The following SLC35D4 variants were observed in gnomAD, a reference collection of about 807,000 sequenced individuals.
SLC35D4 encodes the protein solute carrier family 35 member D4.
chr18:23,357,425 C>CA, the SLC35D4 span, among the ~76,000 whole-genome samples: 1 of 152,188 alleles, frequency 6.6e-6, no homozygotes, highest in Non-Finnish European at 1.5e-5. Context: ...ATTAAAAAAG[C>CA]AGAAAGCCTT....
At chr18:23,372,519 C>A in the SLC35D4 span, among the ~76,000 whole-genome samples, 1 of 152,210 alleles carries the variant, frequency 6.6e-6, no homozygotes, top group African/African-American at 2.4e-5. Flanking sequence ...AGCTGGTGAC[C>A]TTTTGGGCCT....
At chr18:23,381,501 G>A in the SLC35D4 span, among the ~76,000 whole-genome samples, 1 of 152,020 alleles carries the variant, frequency 6.6e-6, no homozygotes, top group Non-Finnish European at 1.5e-5. Context: ...AACTGTGCCC[G>A]GCCTCCATCT....
At chr18:23,305,041 G>T in the SLC35D4 span, among the ~76,000 whole-genome samples, 1 of 152,228 alleles carries the variant, frequency 6.6e-6, no homozygotes, top group East Asian at 1.9e-4. Flanking sequence ...TTTCTTAATG[G>T]TTTCCACATA....
the SLC35D4 span, among the ~76,000 whole-genome samples, chr18:23,362,410 C>T: frequency 6.6e-5 from 10 of 152,060 alleles, no homozygotes; most frequent in South Asian, 2.1e-4. Context: ...ACCAGCCTGG[C>T]CAGTATCGTG....
chr18:23,280,274 T>G, the SLC35D4 span, among the ~76,000 whole-genome samples: 1 of 152,240 alleles, frequency 6.6e-6, no homozygotes, highest in Non-Finnish European at 1.5e-5. Context: ...TTCTGAGACC[T>G]CTGTCCATTG....
At chr18:23,266,960 G>A in the SLC35D4 span, among the ~76,000 whole-genome samples, 2,777 of 152,284 alleles carry the variant, frequency 0.018, 101 homozygotes, top group African/African-American at 0.064. Flanking sequence ...CTGCTGGTCT[G>A]TGTCCCCACC....
At chr18:23,239,727 C>G in the SLC35D4 span, among the ~76,000 whole-genome samples, 4 of 152,196 alleles carry the variant, frequency 2.6e-5, no homozygotes, top group African/African-American at 7.2e-5. Context: ...GCCACAACCC[C>G]TCTTCTCCTC....
chr18:23,249,602 C>T, the SLC35D4 span, among the ~76,000 whole-genome samples: 7 of 152,172 alleles, frequency 4.6e-5, no homozygotes, highest in African/African-American at 7.2e-5. Flanking sequence ...CTTTTACGTA[C>T]GTTTTGTTCT....
At chr18:23,310,295 A>T in the SLC35D4 span, 17 of 984,058 alleles carry the variant, frequency 1.7e-5, no homozygotes, top group East Asian at 1.6e-3. Flanking sequence ...TGATTAAATC[A>T]TTAATTAATT....
chr18:23,359,452 C>A, the SLC35D4 span, among the ~76,000 whole-genome samples: 2 of 151,856 alleles, frequency 1.3e-5, no homozygotes, highest in Non-Finnish European at 2.9e-5. Flanking sequence ...CAATGGAGTC[C>A]GAGTTAGGCC....
chr18:23,246,497 T>C, the SLC35D4 span, among the ~76,000 whole-genome samples: 1 of 151,882 alleles, frequency 6.6e-6, no homozygotes, highest in Non-Finnish European at 1.5e-5. Flanking sequence ...GTTCACGCCA[T>C]TCTCCTGCGT....
chr18:23,253,049 A>G, the SLC35D4 span: 4 of 1,611,602 alleles, frequency 2.5e-6, no homozygotes, highest in Middle Eastern at 1.6e-4. Flanking sequence ...TTAAGCTGAC[A>G]CTCAGCAAAA....
At chr18:23,389,661 G>A in the SLC35D4 span, among the ~76,000 whole-genome samples, 1 of 151,942 alleles carries the variant, frequency 6.6e-6, no homozygotes, top group Non-Finnish European at 1.5e-5. Context: ...GCCCCACTCT[G>A]CCGAGTAGGT....
At chr18:23,332,891 CA>C in the SLC35D4 span, among the ~76,000 whole-genome samples, 1 of 151,958 alleles carries the variant, frequency 6.6e-6, no homozygotes, top group Non-Finnish European at 1.5e-5. Flanking sequence ...TTGATTTTTC[CA>C]AGGTCATATT....
At chr18:23,246,040 G>A in the SLC35D4 span, among the ~76,000 whole-genome samples, 1 of 152,162 alleles carries the variant, frequency 6.6e-6, no homozygotes, top group Non-Finnish European at 1.5e-5. Flanking sequence ...GGCCAAGGTG[G>A]GCAGATCACG....
At chr18:23,427,288 C>A in the SLC35D4 span, among the ~76,000 whole-genome samples, 1 of 152,140 alleles carries the variant, frequency 6.6e-6, no homozygotes, top group South Asian at 2.1e-4. Context: ...CGGCTAATAT[C>A]CAGAATCTAC....
chr18:23,257,203 CTTTTGA>C, the SLC35D4 span: 4 of 1,606,182 alleles, frequency 2.5e-6, no homozygotes, highest in African/African-American at 4.0e-5. Context: ...AATGAACATG[CTTTTGA>C]TTTTCTTTTT....
chr18:23,437,344 A>G, the SLC35D4 span, among the ~76,000 whole-genome samples: 1 of 152,104 alleles, frequency 6.6e-6, no homozygotes, highest in African/African-American at 2.4e-5. Flanking sequence ...TGTGAGGGGG[A>G]GACGGCTTAA....
chr18:23,359,152 T>G, the SLC35D4 span, among the ~76,000 whole-genome samples: 1 of 152,124 alleles, frequency 6.6e-6, no homozygotes, highest in Non-Finnish European at 1.5e-5. Context: ...TTTGGGAGGC[T>G]GAGGTGGGTG....
Sources: gnomAD v4.1 joint callset for allele counts (sites outside exome capture counted in the v4.1 genomes callset) on GRCh38, gnomAD v4.1.1 for gene constraint, MANE v1.5 for transcripts, NCBI Gene and HGNC (gene_info 2026-07-23, HGNC 2026-07-21) for gene names.